Variants in RNF216 observed in about 807,000 individuals in gnomAD.
RNF216 encodes E3 ubiquitin-protein ligase RNF216.
Under a neutral mutation model 110.8 loss-of-function variants are expected in RNF216, and 72 were observed. The ratio of observed to expected loss-of-function variants is 0.65; its 90% CI spans 0.54 to 0.79. The LOEUF (loss-of-function observed/expected upper bound fraction) is 0.79. RNF216 is among the 30% of genes least tolerant of loss of function. The probability of loss-of-function intolerance (pLI) is 0.00; values close to 1 mark genes in which losing one functional copy is unlikely to be tolerated. For synonymous variants in RNF216, 495 were observed against 407.5 expected (o/e 1.21, Z -2.59); for missense variants, 1,342 against 1,141.2 (o/e 1.18, Z -2.54).
Position 5,725,433 on chromosome 7 carries a change from C to A in RNF216, c.1395G>T (p.Leu465Phe), listed in dbSNP as rs752269827. 2 of 1,590,302 alleles carry A rather than the reference C, an allele frequency of 1.3e-6. No homozygotes were observed. Among genetic ancestry groups the A allele is most frequent in the Admixed American group, 1.7e-5 (1 of 59,256 alleles). ...KGHYAITRKA[L>F]SDAIKKWQEL... The stretch of plus-strand genomic sequence containing the variant: ...CCTGCCATTTTTTAATGGCATCAGA[C>A]AAGGCCTAAAAATTGAGAAAAGGAA... The change falls in exon 8 of 17, where the codon TTG becomes TTT. Residue 465 changes from leucine (L) to phenylalanine (F), a missense_variant. Transcript: ENST00000389902.
At chr7:5,777,259 TCTC>T (rs1796836809) in intron 1 of RNF216, among the ~76,000 whole-genome samples, 1 of 152,152 alleles carries the variant, frequency 6.6e-6, no homozygotes, top group Non-Finnish European at 1.5e-5. Context: ...ACTTCTCAAT[TCTC>T]CTGATTCATA....
chr7:5,780,222 G>A (rs1257048521), intron 1 of RNF216: 3 of 152,174 alleles, frequency 2.0e-5, no homozygotes, highest in Admixed American at 6.5e-5. Context: ...CCTCACAAGG[G>A]AAGAAACCCC....
chr7:5,627,725 GAC>G (rs1018607588), intron 15 of RNF216, among the ~76,000 whole-genome samples: 1 of 150,376 alleles, frequency 6.6e-6, no homozygotes, highest in African/African-American at 2.4e-5. Context: ...CCAGCCTGGC[GAC>G]AGAGGGAGAC....
chr7:5,756,794 A>T (rs892765113), intron 2 of RNF216, among the ~76,000 whole-genome samples: 5 of 151,938 alleles, frequency 3.3e-5, no homozygotes, highest in Non-Finnish European at 7.4e-5. Flanking sequence ...TACCCAGCTA[A>T]ATTTTTTATA....
intron 10 of RNF216, among the ~76,000 whole-genome samples, chr7:5,716,043 A>C (rs951783835): frequency 1.3e-5 from 2 of 151,754 alleles, no homozygotes; most frequent in African/African-American, 4.8e-5. Context: ...ATCCAGCCCC[A>C]TTCTTTTATT....
intron 2 of RNF216, among the ~76,000 whole-genome samples, chr7:5,756,820 A>G (rs1795668299): frequency 6.6e-6 from 1 of 152,082 alleles, no homozygotes; most frequent in Non-Finnish European, 1.5e-5. Context: ...TTTTTTGCAG[A>G]CATGAGAATC....
intron 13 of RNF216, among the ~76,000 whole-genome samples, chr7:5,698,384 TACACACACACACAC>T (rs376096873): frequency 1.4e-5 from 2 of 145,396 alleles, no homozygotes; most frequent in East Asian, 4.1e-4. Context: ...GATTCTTTTA[TACACACACACACAC>T]ACACACACAC....
At chr7:5,725,279 TAC>T in intron 8 of RNF216, 43 bp downstream of exon 8, 2 of 1,118,708 alleles carry the variant, frequency 1.8e-6, no homozygotes, top group East Asian at 2.3e-5. Context: ...GAAGAAAAGG[TAC>T]AGTGTTGCAG....
At chr7:5,709,375 C>T (rs193157470) in intron 13 of RNF216, among the ~76,000 whole-genome samples, 107 of 152,316 alleles carry the variant, frequency 7.0e-4, no homozygotes, top group Non-Finnish European at 1.3e-3. Flanking sequence ...GTCACAAATT[C>T]CCCAGCCTTT....
intron 13 of RNF216, among the ~76,000 whole-genome samples, chr7:5,656,754 C>G (rs776934361): frequency 6.6e-6 from 1 of 152,194 alleles, no homozygotes; most frequent in Admixed American, 6.5e-5. Context: ...TTCCTTTATT[C>G]ATTTTCTGCT....
chr7:5,744,731 G>A (rs1794944588), intron 3 of RNF216, among the ~76,000 whole-genome samples: 1 of 152,176 alleles, frequency 6.6e-6, no homozygotes, highest in Admixed American at 6.5e-5. Flanking sequence ...CCAGCACTTT[G>A]GGAGCCTGAG....
intron 2 of RNF216, among the ~76,000 whole-genome samples, chr7:5,757,564 G>A (rs1795709066): frequency 6.6e-6 from 1 of 152,124 alleles, no homozygotes; most frequent in Non-Finnish European, 1.5e-5. Flanking sequence ...CAATTAAAAA[G>A]GAATGAGTTA....
At chr7:5,645,690 A>C (rs1788008902) in intron 14 of RNF216, among the ~76,000 whole-genome samples, 1 of 152,000 alleles carries the variant, frequency 6.6e-6, no homozygotes, top group Non-Finnish European at 1.5e-5. Flanking sequence ...TGCCGGGTTC[A>C]AATGATTCTC....
chr7:5,645,694 G>T (rs1788009040), intron 14 of RNF216, among the ~76,000 whole-genome samples: 1 of 151,918 alleles, frequency 6.6e-6, no homozygotes, highest in African/African-American at 2.4e-5. Flanking sequence ...GGGTTCAAAT[G>T]ATTCTCCTGC....
chr7:5,630,318 C>T (rs552593621), intron 15 of RNF216, among the ~76,000 whole-genome samples: 26 of 152,280 alleles, frequency 1.7e-4, no homozygotes, highest in Admixed American at 1.5e-3. Context: ...GCTCTACCCC[C>T]ACTACCTAAC....
intron 2 of RNF216, 45 bp from the exon 3 acceptor site, chr7:5,753,024 C>A (rs907637472): frequency 1.3e-6 from 2 of 1,577,758 alleles, no homozygotes; most frequent in African/African-American, 2.7e-5. Context: ...TTGGCACTAT[C>A]ACATCCAACT....
intron 3 of RNF216, among the ~76,000 whole-genome samples, chr7:5,747,747 A>C (rs375050417): frequency 6.7e-4 from 6 of 8,922 alleles, no homozygotes; most frequent in African/African-American, 2.6e-3. Context: ...ACTCCATCTC[A>C]AAAAAAAAAA....
chr7:5,667,044 G>T (rs796297566), intron 13 of RNF216, among the ~76,000 whole-genome samples: 66 of 152,214 alleles, frequency 4.3e-4, no homozygotes, highest in African/African-American at 1.6e-3. Context: ...TGGGCTCAAA[G>T]GATGCACCCG....
At position 5,623,622 on chromosome 7, in the gene RNF216, TG is replaced by T. The variant is rs145285373; in HGVS notation, c.2452+433del. Among the ~76,000 whole-genome samples, 765 of 152,128 alleles carry T rather than the reference TG, an allele frequency of 5.0e-3. 9 individuals are homozygous for T. The highest frequency in any genetic ancestry group is 7.9e-3 in the Admixed American group (121 of 15,288). On this transcript the variant is annotated intron_variant, in intron 16 of 16. Transcript: ENST00000389902. ...CCTCTTTTTTTTAAAGAAAAACAGATGGGGTCTTGCTATTTTGCCCAGGCTA... is the reference window on the plus strand; with the variant it reads ...CCTCTTTTTTTTAAAGAAAAACAGATGGGTCTTGCTATTTTGCCCAGGCTA...
Sources: gnomAD v4.1 joint callset for allele counts (sites outside exome capture counted in the v4.1 genomes callset) on GRCh38, gnomAD v4.1.1 for gene constraint, MANE v1.5 for transcripts, NCBI Gene and HGNC (gene_info 2026-07-23, HGNC 2026-07-21) for gene names.